MINDY4: variants seen among roughly 807,000 people sequenced by gnomAD.
MINDY4 encodes the protein probable ubiquitin carboxyl-terminal hydrolase MINDY-4.
Under a neutral mutation model 87.0 loss-of-function variants are expected in MINDY4, and 68 were observed. The observed-to-expected ratio is 0.78, with a 90% CI of 0.64 to 0.96. The LOEUF is 0.96. Ranked by LOEUF, MINDY4 falls within the 40% of genes least tolerant of loss-of-function variation. MINDY4 has a pLI of 0.00. For missense variants in MINDY4, 919 were observed against 928.2 expected, an observed-to-expected ratio of 0.99 and a Z score of 0.13; for synonymous variants, 379 against 363.2, an observed-to-expected ratio of 1.04 and a Z score of -0.50.
At chr7:30,829,565 T>C (rs1242339130) in intron 6 of MINDY4, among the ~76,000 whole-genome samples, 1 of 152,204 alleles carries the variant, frequency 6.6e-6, no homozygotes, top group African/African-American at 2.4e-5. Flanking sequence ...CTCTCTTGTG[T>C]GAGAGGTGTA....
intron 5 of MINDY4, among the ~76,000 whole-genome samples, chr7:30,822,219 C>A (rs1055878759): frequency 1.3e-4 from 19 of 151,896 alleles, no homozygotes; most frequent in Admixed American, 9.8e-4. Context: ...GCTCTGACAC[C>A]CAGACTGGAG....
chr7:30,891,224 T>C (rs1790784066), intron 17 of MINDY4, among the ~76,000 whole-genome samples: 1 of 152,180 alleles, frequency 6.6e-6, no homozygotes, highest in African/African-American at 2.4e-5. Flanking sequence ...ACGTAAACAC[T>C]CCATCTGCTA....
At chr7:30,838,822 A>G (rs527944436) in intron 7 of MINDY4, among the ~76,000 whole-genome samples, 1 of 152,244 alleles carries the variant, frequency 6.6e-6, no homozygotes, top group East Asian at 1.9e-4. Flanking sequence ...CGTATCCTAG[A>G]TGGTTCTAAT....
At chr7:30,782,338 ATGTTTGTGTG>A in intron 3 of MINDY4, 126 bp downstream of exon 3, 2 of 642,910 alleles carry the variant, frequency 3.1e-6, no homozygotes, top group Non-Finnish European at 2.5e-6. Context: ...CTGTGTGTGT[ATGTTTGTGTG>A]TGTGTGTGTG....
intron 13 of MINDY4, among the ~76,000 whole-genome samples, chr7:30,864,826 C>T (rs1221623110): frequency 6.6e-6 from 1 of 152,192 alleles, no homozygotes; most frequent in Non-Finnish European, 1.5e-5. Context: ...TCATGGAGGC[C>T]CCCAGGCTCC....
At chr7:30,845,530 A>C (rs1789182390) in intron 9 of MINDY4, among the ~76,000 whole-genome samples, 1 of 151,586 alleles carries the variant, frequency 6.6e-6, no homozygotes, top group Non-Finnish European at 1.5e-5. Flanking sequence ...AAAAAAAAAA[A>C]AAAAAAGGGC....
intron 17 of MINDY4, among the ~76,000 whole-genome samples, chr7:30,888,916 A>G (rs756508610): frequency 6.6e-6 from 1 of 152,200 alleles, no homozygotes; most frequent in Non-Finnish European, 1.5e-5. Context: ...CTAGTGGTAG[A>G]TGAGTGTGAC....
chr7:30,891,850 C>A, intron 17 of MINDY4, 107 bp from the exon 18 acceptor site: 1 of 1,142,058 alleles, frequency 8.8e-7, no homozygotes, highest in Non-Finnish European at 1.3e-6. Context: ...CCGAACTATT[C>A]AAAGCCTCCA....
chr7:30,836,876 T>A, intron 7 of MINDY4, 112 bp downstream of exon 7: 1 of 805,330 alleles, frequency 1.2e-6, no homozygotes, highest in South Asian at 1.9e-5. Flanking sequence ...TTGGTCATTG[T>A]TGAAATGGAA....
At chr7:30,881,329 T>G (rs1394905277) in intron 15 of MINDY4, among the ~76,000 whole-genome samples, 2 of 152,214 alleles carry the variant, frequency 1.3e-5, no homozygotes, top group Non-Finnish European at 2.9e-5. Flanking sequence ...CCTCTGTGTC[T>G]TCTTCCACAA....
chr7:30,877,057 T>G (rs911587345), intron 15 of MINDY4, among the ~76,000 whole-genome samples: 2 of 152,124 alleles, frequency 1.3e-5, no homozygotes, highest in African/African-American at 4.8e-5. Context: ...AAAAGCAGAC[T>G]TCTGGGTCCC....
chr7:30,778,366 G>A, intron 1 of MINDY4, 66 bp from the exon 2 acceptor site: 2 of 1,607,020 alleles, frequency 1.2e-6, no homozygotes, highest in South Asian at 2.2e-5. Context: ...TCGTTTGCTT[G>A]TGCTTTATGA....
At chr7:30,860,548 CT>C (rs1451587921) in intron 13 of MINDY4, among the ~76,000 whole-genome samples, 4 of 152,122 alleles carry the variant, frequency 2.6e-5, no homozygotes, top group African/African-American at 9.7e-5. Flanking sequence ...GGGTGGGAGT[CT>C]CCAGATCTCC....
intron 3 of MINDY4, among the ~76,000 whole-genome samples, chr7:30,784,163 G>A (rs371877710): frequency 3.9e-5 from 1 of 25,670 alleles, no homozygotes; most frequent in Admixed American, 2.4e-4. Flanking sequence ...CTATGAAGAA[G>A]CTCTTCCTCC....
At chr7:30,874,467 A>T (rs1388593291) in intron 14 of MINDY4, among the ~76,000 whole-genome samples, 1 of 152,212 alleles carries the variant, frequency 6.6e-6, no homozygotes, top group African/African-American at 2.4e-5. Flanking sequence ...ATCCTTGGTT[A>T]TCCTGCATAA....
chr7:30,861,499 C>T (rs1380426183), intron 13 of MINDY4, among the ~76,000 whole-genome samples: 1 of 152,244 alleles, frequency 6.6e-6, no homozygotes, highest in Non-Finnish European at 1.5e-5. Context: ...CCTTGGGCCC[C>T]ACCCAGGCCA....
chr7:30,853,518 T>A, intron 12 of MINDY4, 59 bp downstream of exon 12: 1 of 1,393,664 alleles, frequency 7.2e-7, no homozygotes, highest in Non-Finnish European at 1.0e-6. Context: ...GATTTCACTG[T>A]GGGAACAATG....
chr7:30,847,173 T>C (rs944009076), intron 9 of MINDY4, among the ~76,000 whole-genome samples: 2 of 152,218 alleles, frequency 1.3e-5, no homozygotes, highest in African/African-American at 2.4e-5. Flanking sequence ...CCCAAGCCTC[T>C]TACCTGTCTG....
At chr7:30,882,537 C>T (rs568852742) in intron 16 of MINDY4, among the ~76,000 whole-genome samples, 176 bp downstream of exon 16, 16 of 152,302 alleles carry the variant, frequency 1.1e-4, no homozygotes, top group African/African-American at 3.1e-4. Context: ...CTGCAGGAGG[C>T]GGCCAGAGCT....
Sources: allele counts gnomAD v4.1 joint callset (sites outside exome capture counted in the v4.1 genomes callset), GRCh38; gene constraint gnomAD v4.1.1; transcripts MANE v1.5; gene names NCBI Gene and HGNC (gene_info 2026-07-23, HGNC 2026-07-21).